The following BMP5 variants were observed in gnomAD, a reference collection of about 807,000 sequenced individuals.
BMP5 encodes the protein bone morphogenetic protein 5.
Under a neutral mutation model 46.6 loss-of-function variants are expected in BMP5, and 23 were observed. That is an observed-to-expected ratio of 0.49 (90% CI 0.35 to 0.70). The LOEUF (loss-of-function observed/expected upper bound fraction) is 0.70, where lower values mean the gene tolerates loss of function less well. Among genes scored for constraint, BMP5 ranks in the 30% least tolerant of loss-of-function variants. The pLI, the probability that BMP5 is intolerant of heterozygous loss-of-function variation, is 0.00. For synonymous variants in BMP5, 204 were observed against 191.9 expected, an observed-to-expected ratio of 1.06 and a Z score of -0.52; for missense variants, 545 against 565.6, an observed-to-expected ratio of 0.96 and a Z score of 0.37.
intron 1 of BMP5, among the ~76,000 whole-genome samples, chr6:55,836,631 T>TACACACACACACACACACACAC (rs61358651): frequency 7.2e-6 from 1 of 139,518 alleles, no homozygotes; most frequent in Non-Finnish European, 1.5e-5. Flanking sequence ...CATACATACA[T>TACACACACACACACACACACAC]ACACACACAC....
chr6:55,755,175 A>G lies in BMP5; in HGVS notation c.*358T>C, dbSNP rs974898903. The G allele has an allele frequency of 1.9e-5, 3 of 159,920 alleles. No individual in the cohort carries two copies. Among genetic ancestry groups the G allele is most frequent in the Admixed American group, 6.3e-5 (1 of 15,758 alleles). The allele number at this position is 159,920 out of a possible 1,614,324, so 9.9% of individuals were successfully genotyped here. A position where few individuals can be genotyped will look rare whatever the true frequency, so the allele number is the denominator to read the frequency against. On this transcript the variant is annotated 3_prime_UTR_variant, in exon 7 of 7. Coordinates refer to ENST00000370830, the MANE Select transcript of BMP5 (RefSeq NM_021073.4). ...CTAAATTATTCAATTTCCTTCCACA[A>G]TATTAAACAGTCAAAGGAGTTCTGT...
At chr6:55,830,966 C>T (rs1252849791) in intron 1 of BMP5, among the ~76,000 whole-genome samples, 1 of 151,310 alleles carries the variant, frequency 6.6e-6, no homozygotes, top group Non-Finnish European at 1.5e-5. Context: ...GAAGTTTAGA[C>T]TTTTTTTTTC....
chr6:55,818,326 AT>A (rs1776326557), intron 2 of BMP5, among the ~76,000 whole-genome samples: 1 of 151,996 alleles, frequency 6.6e-6, no homozygotes, highest in Admixed American at 6.6e-5. Context: ...TGATTATTAT[AT>A]CAGACGCATA....
intron 3 of BMP5, among the ~76,000 whole-genome samples, chr6:55,792,535 CAAAAA>C (rs78969394): frequency 1.3e-5 from 1 of 74,674 alleles, no homozygotes; most frequent in Admixed American, 1.6e-4. Flanking sequence ...GACTCCGTCT[CAAAAA>C]AAAAAAAAAA....
intron 1 of BMP5, among the ~76,000 whole-genome samples, chr6:55,824,823 G>C (rs1475907989): frequency 3.3e-5 from 5 of 151,890 alleles, no homozygotes; most frequent in African/African-American, 1.2e-4. Context: ...AGACCAAGAG[G>C]GGGGTGCATT....
intron 2 of BMP5, among the ~76,000 whole-genome samples, chr6:55,812,889 G>C (rs1403699611): frequency 6.6e-6 from 1 of 152,122 alleles, no homozygotes; most frequent in Admixed American, 6.5e-5. Context: ...TGTAAATAAA[G>C]TATTTTTAAT....
At chr6:55,829,576 C>T (rs1776615316) in intron 1 of BMP5, among the ~76,000 whole-genome samples, 1 of 151,748 alleles carries the variant, frequency 6.6e-6, no homozygotes, top group South Asian at 2.1e-4. Flanking sequence ...TAATGTCACA[C>T]ATTTATTTTC....
At chr6:55,760,323 A>G in intron 5 of BMP5, 134 bp downstream of exon 5, 1 of 773,334 alleles carries the variant, frequency 1.3e-6, no homozygotes, top group Non-Finnish European at 2.2e-6. Flanking sequence ...AATAAAGTGA[A>G]TAAGCCATAT....
intron 2 of BMP5, among the ~76,000 whole-genome samples, chr6:55,810,579 G>T (rs1776106495): frequency 6.6e-6 from 1 of 152,150 alleles, no homozygotes; most frequent in Non-Finnish European, 1.5e-5. Flanking sequence ...CATTTTTCAT[G>T]CAGTGAATGA....
At chr6:55,821,292 G>A (rs956061961) in intron 1 of BMP5, among the ~76,000 whole-genome samples, 72 of 152,258 alleles carry the variant, frequency 4.7e-4, no homozygotes, top group African/African-American at 1.7e-3. Flanking sequence ...AGTGGAAGGT[G>A]GTTCAGGAGA....
chr6:55,803,489 G>A (rs983435383), intron 2 of BMP5, among the ~76,000 whole-genome samples: 2 of 152,276 alleles, frequency 1.3e-5, no homozygotes, highest in East Asian at 3.9e-4. Flanking sequence ...AGCCATCAGA[G>A]AAATCTGCAC....
chr6:55,765,873 G>A (rs1408403979), intron 4 of BMP5, among the ~76,000 whole-genome samples: 5 of 151,980 alleles, frequency 3.3e-5, no homozygotes, highest in African/African-American at 9.7e-5. Context: ...AATTAACATC[G>A]TCACTTTAGA....
chr6:55,776,569 G>A (rs1448679473), intron 3 of BMP5, among the ~76,000 whole-genome samples: 12 of 151,038 alleles, frequency 7.9e-5, no homozygotes, highest in African/African-American at 2.2e-4. Flanking sequence ...AGTATTTGAC[G>A]AAGCTTTTAT....
chr6:55,786,655 T>C (rs1008107817), intron 3 of BMP5, among the ~76,000 whole-genome samples: 1 of 151,864 alleles, frequency 6.6e-6, no homozygotes, highest in African/African-American at 2.4e-5. Flanking sequence ...AAGTCAAAGC[T>C]AATTATCCTT....
chr6:55,850,390 A>ATAGATAGATAGG lies in BMP5; in HGVS notation c.490+23985_490+23986insCCTATCTATCTA, dbSNP rs1300573171. ...GATAGATAGATAGATAGATAGATAG[A>ATAGATAGATAGG]TAGATCGATAGATATAGATAGATAG... On this transcript the variant is annotated intron_variant, in intron 1 of 6. Coordinates refer to ENST00000370830, the MANE Select transcript of BMP5 (RefSeq NM_021073.4). Among the ~76,000 whole-genome samples the ATAGATAGATAGG allele has an allele frequency of 1.7e-3, 234 of 141,328 alleles. 1 individual carries two copies. Among genetic ancestry groups the ATAGATAGATAGG allele is most frequent in the African/African-American group, 6.3e-3 (228 of 36,276 alleles). 92.7% of individuals were successfully genotyped at this position (141,328 alleles called of 152,430 possible). A position where few individuals can be genotyped will look rare whatever the true frequency, so the allele number is the denominator to read the frequency against.
intron 1 of BMP5, among the ~76,000 whole-genome samples, chr6:55,872,591 G>T (rs1476156606): frequency 3.3e-5 from 5 of 151,614 alleles, no homozygotes; most frequent in Non-Finnish European, 7.4e-5. Flanking sequence ...ACTCTATGTA[G>T]ATTTATAAAA....
chr6:55,792,706 C>G (rs761266545), intron 3 of BMP5, among the ~76,000 whole-genome samples: 1 of 152,080 alleles, frequency 6.6e-6, no homozygotes, highest in Non-Finnish European at 1.5e-5. Flanking sequence ...TAAAACAACG[C>G]CATAGTGAAG....
intron 1 of BMP5, among the ~76,000 whole-genome samples, chr6:55,851,370 A>T (rs940779573): frequency 1.3e-5 from 2 of 152,082 alleles, no homozygotes; most frequent in African/African-American, 4.8e-5. Flanking sequence ...TACGCTATGT[A>T]TGTCACAGGA....
At chr6:55,802,064 A>C (rs1775861989) in intron 2 of BMP5, among the ~76,000 whole-genome samples, 1 of 152,196 alleles carries the variant, frequency 6.6e-6, no homozygotes, top group South Asian at 2.1e-4. Context: ...TCTCATAGCC[A>C]GATGTCTCAT....
Sources: allele counts gnomAD v4.1 joint callset (sites outside exome capture counted in the v4.1 genomes callset), GRCh38; gene constraint gnomAD v4.1.1; transcripts MANE v1.5; gene names NCBI Gene and HGNC (gene_info 2026-07-23, HGNC 2026-07-21).